Variants in MAP2K7 observed in about 807,000 individuals in gnomAD.
MAP2K7 encodes dual specificity mitogen-activated protein kinase kinase 7.
A neutral mutation model predicts 47.7 loss-of-function variants in MAP2K7; 12 were observed. The ratio of observed to expected loss-of-function variants is 0.25; its 90% CI spans 0.16 to 0.41. The LOEUF (loss-of-function observed/expected upper bound fraction) is 0.41, where lower values mean the gene tolerates loss of function less well. Among genes scored for constraint, MAP2K7 ranks in the 10% least tolerant of loss-of-function variants. The probability of loss-of-function intolerance (pLI) is 1.00; values close to 1 mark genes in which losing one functional copy is unlikely to be tolerated. For synonymous variants in MAP2K7, 299 were observed against 243.0 expected, an observed-to-expected ratio of 1.23 and a Z score of -2.14; for missense variants, 415 against 600.3, an observed-to-expected ratio of 0.69 and a Z score of 3.23.
Position 7,909,783 on chromosome 19 carries a change from G to A in MAP2K7, c.153G>A (p.Gly51=), listed in dbSNP as rs1486218042. 1.9e-6 allele frequency: 3 copies of A among 1,542,372 alleles called. No homozygotes were observed. The highest frequency in any genetic ancestry group is 2.3e-4 in the Middle Eastern group (1 of 4,356). The part of the protein sequence containing the change: ...PTLQLPLAND[G]GSRSPSSESS... ...TGCAGCTCCCGCTGGCCAACGATGG[G>A]GGCAGCCGCTCGCCATCCTCAGAGA... The change falls in exon 2 of 11, where the codon GGG becomes GGA. Residue 51 remains glycine, a synonymous_variant. Coordinates refer to ENST00000397979, the MANE Select transcript of MAP2K7 (RefSeq NM_145185.4).
At chr19:7,909,516 C>T (rs1216022948) in intron 1 of MAP2K7, among the ~76,000 whole-genome samples, 1 of 152,194 alleles carries the variant, frequency 6.6e-6, no homozygotes, top group Non-Finnish European at 1.5e-5. Flanking sequence ...CTCTCCCCTG[C>T]TAGCCTCCTC....
At chr19:7,904,154 C>T (rs892187477) in intron 1 of MAP2K7, 86 bp downstream of exon 1, 4 of 1,092,272 alleles carry the variant, frequency 3.7e-6, no homozygotes, top group Non-Finnish European at 4.6e-6. Context: ...CAAGGCCCCG[C>T]CCCCGCTTCC....
In MAP2K7 at chr19:7,911,671, C is replaced by G. The variant is rs909956906; in HGVS notation, c.1079+93C>G. ...GCAGGAGGGGAATGGAGGCCGCACCCTGGGATGGGCGGATGCGACTGTGGG... is the reference window on the plus strand; with the variant it reads ...GCAGGAGGGGAATGGAGGCCGCACCGTGGGATGGGCGGATGCGACTGTGGG... On this transcript the variant is annotated intron_variant, in intron 9 of 10. Coordinates refer to ENST00000397979, the MANE Select transcript of MAP2K7 (RefSeq NM_145185.4). The G allele has an allele frequency of 7.9e-4, 1,031 of 1,301,132 alleles. 1 individual carries two copies. The highest frequency in any genetic ancestry group is 1.6e-3 in the Middle Eastern group (6 of 3,664). The allele number at this position is 1,301,132 out of a possible 1,614,324, so 80.6% of individuals were successfully genotyped here.
chr19:7,904,311 C>G (rs963572453), intron 1 of MAP2K7: 1 of 228,724 alleles, frequency 4.4e-6, no homozygotes, highest in Non-Finnish European at 8.7e-6. Context: ...GGCGAGGCCC[C>G]CAGCTGATGA....
rs766586869 is a variant in MAP2K7 at position 7,912,344 on chromosome 19, G to A, written c.1173G>A (p.Ala391=). 138 of 1,613,428 alleles carry A rather than the reference G, an allele frequency of 8.6e-5. No individual in the cohort carries two copies. Among genetic ancestry groups the A allele is most frequent in the South Asian group, 1.3e-4 (12 of 91,094 alleles). ...ACGAGACGCTGGAGGTGGACGTGGCGTCCTGGTTCAAGGATGTCATGGCGA... is the reference window on the plus strand; with the variant it reads ...ACGAGACGCTGGAGGTGGACGTGGCATCCTGGTTCAAGGATGTCATGGCGA... The part of the protein sequence containing the change: ...KRYETLEVDV[A]SWFKDVMAKT... The change falls in exon 11 of 11, where the codon GCG becomes GCA. Residue 391 remains alanine, a synonymous_variant. Coordinates refer to ENST00000397979, the MANE Select transcript of MAP2K7 (RefSeq NM_145185.4).
Position 7,907,294 on chromosome 19 carries a change from G to A in MAP2K7, c.125-2461G>A, listed in dbSNP as rs537774223. Among the ~76,000 whole-genome samples, 67 of 152,192 alleles carry A rather than the reference G, an allele frequency of 4.4e-4. 1 individual carries two copies. The highest frequency in any genetic ancestry group is 2.9e-4 in the Non-Finnish European group (20 of 68,026). ...GGAGAGAGAGTAGATGGGGTGCCTGGCCCTGTGAGTGGTTGTGAGTATGTG... is the reference window on the plus strand; with the variant it reads ...GGAGAGAGAGTAGATGGGGTGCCTGACCCTGTGAGTGGTTGTGAGTATGTG... On this transcript the variant is annotated intron_variant, in intron 1 of 10. Coordinates refer to ENST00000397979, the MANE Select transcript of MAP2K7 (RefSeq NM_145185.4).
rs763308668 is a variant in MAP2K7, at chr19:7,910,347, A to G, written c.421A>G (p.Lys141Glu). ...CCAGGTGTGGAAGATGCGCTTCCGGAAGACCGGCCACGTCATTGCCGTTAA... is the reference window on the plus strand; with the variant it reads ...CCAGGTGTGGAAGATGCGCTTCCGGGAGACCGGCCACGTCATTGCCGTTAA... ...CGQVWKMRFR[K>E]TGHVIAVKQM... Residue 141 changes from lysine to glutamate, a missense_variant, in exon 4 of 11, where the codon AAG becomes GAG. This residue lies in a region of MAP2K7 where 206 missense variants were observed against 368.8 expected (regional missense o/e 0.56). Coordinates refer to ENST00000397979, the MANE Select transcript of MAP2K7 (RefSeq NM_145185.4). 18 of 1,612,938 alleles carry G rather than the reference A, an allele frequency of 1.1e-5. No individual in the cohort carries two copies. Among genetic ancestry groups the G allele is most frequent in the Non-Finnish European group, 1.4e-5 (17 of 1,179,904 alleles).
intron 9 of MAP2K7, 69 bp from the exon 10 acceptor site, chr19:7,912,074 GGCCTGA>G: frequency 7.7e-6 from 11 of 1,421,770 alleles, no homozygotes; most frequent in South Asian, 1.2e-5. Context: ...CCTTGGGGAG[GGCCTGA>G]GCACAGGGGT....
In MAP2K7 at chr19:7,903,904, G is replaced by T. The variant is rs1278685742; in HGVS notation, c.-41G>T. 6 of 1,442,914 alleles carry T rather than the reference G, an allele frequency of 4.2e-6. No individual in the cohort carries two copies. Among genetic ancestry groups the T allele is most frequent in the Non-Finnish European group, 9.2e-7 (1 of 1,085,102 alleles). 89.4% of individuals were successfully genotyped at this position (1,442,914 alleles called of 1,614,324 possible). A position where few individuals can be genotyped will look rare whatever the true frequency, so the allele number is the denominator to read the frequency against. ...TGCGGTGTTTGTCTGCCGGACTGAC[G>T]GGCGGCCGGGCGGTGCGCGGCGGCG... is the stretch of plus-strand genomic sequence containing the variant. On this transcript the variant is annotated 5_prime_UTR_variant, in exon 1 of 11. Coordinates refer to ENST00000397979, the MANE Select transcript of MAP2K7 (RefSeq NM_145185.4).
At chr19:7,911,190 G>GTGGGGGC in intron 7 of MAP2K7, 31 bp downstream of exon 7, 1 of 1,607,842 alleles carries the variant, frequency 6.2e-7, no homozygotes, top group Non-Finnish European at 8.5e-7. Flanking sequence ...GGGGGAGGGG[G>GTGGGGGC]TGGGGGCTGG....
At chr19:7,912,266 C>T (rs1192981433) in intron 10 of MAP2K7, 31 bp from the exon 11 acceptor site, 3 of 1,613,516 alleles carry the variant, frequency 1.9e-6, no homozygotes, top group South Asian at 1.1e-5. Flanking sequence ...AAGACCGTCT[C>T]CTCCTAAGCC....
intron 9 of MAP2K7, 62 bp from the exon 10 acceptor site, chr19:7,912,087 G>T: frequency 1.3e-6 from 2 of 1,520,214 alleles, no homozygotes; most frequent in Non-Finnish European, 1.8e-6. Flanking sequence ...CTGAGCACAG[G>T]GGTGGGGCCG....
chr19:7,910,341 T>C lies in MAP2K7; in HGVS notation c.415T>C (p.Phe139Leu), dbSNP rs773578983. ...CTGCGGCCAGGTGTGGAAGATGCGC[T>C]TCCGGAAGACCGGCCACGTCATTGC... ...GTCGQVWKMR[F>L]RKTGHVIAVK... The change falls in exon 4 of 11, where the codon TTC becomes CTC. Residue 139 changes from phenylalanine (F) to leucine (L), a missense_variant. By Grantham distance (22) the Phe-to-Leu change is conservative. This residue lies in a region of MAP2K7 where 206 missense variants were observed against 368.8 expected (regional missense o/e 0.56). Transcript: ENST00000397979. 1 of 1,613,106 alleles carries C rather than the reference T, an allele frequency of 6.2e-7. No homozygotes were observed. The highest frequency in any genetic ancestry group is 8.5e-7 in the Non-Finnish European group (1 of 1,179,906).
chr19:7,906,142 G>GT lies in MAP2K7; in HGVS notation c.124+2074_124+2075insT, dbSNP rs1239307306. ...ATGGGAGTCTGTGGCCTCCGGGGGT[G>GT]GGGGGGGTGCACGCCTGTGTGTGTG... On this transcript the variant is annotated intron_variant, in intron 1 of 10. Coordinates refer to ENST00000397979, the MANE Select transcript of MAP2K7 (RefSeq NM_145185.4). The GT allele has an allele frequency of 5.9e-5, 25 of 423,306 alleles. No homozygotes were observed. The East Asian group carries it at 9.7e-4, about 16-fold the overall frequency. 26.2% of individuals were successfully genotyped at this position (423,306 alleles called of 1,614,324 possible).
At position 7,912,485 on chromosome 19, in the gene MAP2K7, C is replaced by G; in HGVS notation, c.*54C>G. ...GGCCAGGGGCATGGCCACAGGCCCCCCTCCCCACTTGGCCACCCAGCTGCC... is the reference window on the plus strand; with the variant it reads ...GGCCAGGGGCATGGCCACAGGCCCCGCTCCCCACTTGGCCACCCAGCTGCC... On this transcript the variant is annotated 3_prime_UTR_variant, in exon 11 of 11. Coordinates refer to ENST00000397979, the MANE Select transcript of MAP2K7 (RefSeq NM_145185.4). 6.5e-7 allele frequency: 1 copy of G among 1,549,672 alleles called. No individual in the cohort carries two copies. The highest frequency in any genetic ancestry group is 1.2e-5 in the South Asian group (1 of 85,628).
In MAP2K7 at chr19:7,904,072, A is replaced by G. The variant is rs1227278553; in HGVS notation, c.124+4A>G. ...AGCCCCCAGCGGCCCAGGCCCAGTA[A>G]GCACGGCGGCGTGGGGGAGGGGGCG... On this transcript the variant is annotated splice_donor_region_variant and intron_variant, in intron 1 of 10. Transcript: ENST00000397979. 8.7e-5 allele frequency: 56 copies of G among 640,544 alleles called. No individual in the cohort carries two copies. Among genetic ancestry groups the G allele is most frequent in the Non-Finnish European group, 1.1e-4 (52 of 469,916 alleles). 39.7% of individuals were successfully genotyped at this position (640,544 alleles called of 1,614,324 possible).
intron 1 of MAP2K7, 151 bp downstream of exon 1, chr19:7,904,219 C>T (rs1194520597): frequency 4.7e-6 from 3 of 643,572 alleles, no homozygotes; most frequent in East Asian, 6.1e-5. Flanking sequence ...GGGCGAGGGT[C>T]ACGGTGACCC....
Position 7,911,236 on chromosome 19 carries a change from T to TCCC in MAP2K7, c.856-8_856-6dup. 2 of 1,577,394 alleles carry TCCC rather than the reference T, an allele frequency of 1.3e-6. No individual in the cohort carries two copies. The highest frequency in any genetic ancestry group is 1.1e-5 in the South Asian group (1 of 89,926). ...CCAGCCTTGGAGATACGTCTTCTCC[T>TCCC]CCCCCCCCTGCAGCCCGAGCGCATT... is the stretch of plus-strand genomic sequence containing the variant. On this transcript the variant is annotated splice_polypyrimidine_tract_variant and intron_variant, in intron 7 of 10. Coordinates refer to ENST00000397979, the MANE Select transcript of MAP2K7 (RefSeq NM_145185.4).
chr19:7,910,841 CAG>C (rs1491545253), intron 6 of MAP2K7, 38 bp downstream of exon 6: 9 of 1,575,526 alleles, frequency 5.7e-6, no homozygotes, highest in Non-Finnish European at 7.8e-6. Flanking sequence ...GGCAGGATGA[CAG>C]AGGCGGTGAG....
Sources: allele counts gnomAD v4.1 joint callset (sites outside exome capture counted in the v4.1 genomes callset), GRCh38; gene constraint gnomAD v4.1.1; regional missense constraint gnomAD v4.1.1; transcripts MANE v1.5; gene names NCBI Gene and HGNC (gene_info 2026-07-23, HGNC 2026-07-21).